The following GOLT1A variants were observed in gnomAD, a reference collection of about 807,000 sequenced individuals.
GOLT1A encodes the protein vesicle transport protein GOT1A.
Under a neutral mutation model 16.1 loss-of-function variants are expected in GOLT1A, and 10 were observed. The ratio of observed to expected loss-of-function variants is 0.62; its 90% CI spans 0.38 to 1.05. GOLT1A has a LOEUF of 1.05. Among genes scored for constraint, GOLT1A ranks in the 50% least tolerant of loss-of-function variants. The pLI, the probability that GOLT1A is intolerant of heterozygous loss-of-function variation, is 0.01. For synonymous variants in GOLT1A, 60 were observed against 67.9 expected (o/e 0.88, Z 0.57); for missense variants, 137 against 165.7 (o/e 0.83, Z 0.95).
At chr1:204,205,181 C>T (rs769145309) in intron 1 of GOLT1A, among the ~76,000 whole-genome samples, 3 of 151,992 alleles carry the variant, frequency 2.0e-5, no homozygotes, top group Admixed American at 6.6e-5. Context: ...TGATTGATGT[C>T]TTTTTTTTCT....
chr1:204,198,490 G>C lies in GOLT1A; in HGVS notation c.367C>G (p.Arg123Gly), dbSNP rs187437980. The part of the protein sequence containing the change: ...CNIPFLGALF[R>G]RLQGTSSMV ...ATCGAGCTAGTGCCTTGAAGTCTCC[G>C]GAACAGCTGTGGGAGCCAAGAATCA... The change falls in exon 5 of 5, where the codon CGG becomes GGG. Residue 123 changes from arginine to glycine, a missense_variant. Arg to Gly is a moderately radical substitution (Grantham distance 125). Coordinates refer to ENST00000308302, the MANE Select transcript of GOLT1A (RefSeq NM_198447.2). 1.2e-6 allele frequency: 2 copies of C among 1,613,298 alleles called. No homozygotes were observed. Among genetic ancestry groups the C allele is most frequent in the Non-Finnish European group, 1.7e-6 (2 of 1,179,684 alleles).
intron 2 of GOLT1A, 59 bp from the exon 3 acceptor site, chr1:204,201,870 C>T: frequency 6.5e-7 from 1 of 1,529,324 alleles, no homozygotes; most frequent in Non-Finnish European, 9.0e-7. Flanking sequence ...GAGTGAGGGA[C>T]TTAGGCCTGG....
rs1342588890 is a variant in GOLT1A at position 204,199,256 on chromosome 1, C to A, written c.299G>T (p.Gly100Val). 2 of 1,602,210 alleles carry A rather than the reference C, an allele frequency of 1.2e-6. No homozygotes were observed. Among genetic ancestry groups the A allele is most frequent in the East Asian group, 4.5e-5 (2 of 44,560 alleles). ...ETYGFFSLFK[G>V]FFPVAFGFLG... ...GAAGCCGAAGGCGACAGGGAAAAAG[C>A]CCCTAGGAGCAGAGGGGAGAAGGGA... Residue 100 changes from glycine (G) to valine (V), a missense_variant and splice_region_variant, in exon 4 of 5, where the codon GGC becomes GTC. Transcript: ENST00000308302.
rs766866616 is a variant in GOLT1A, at chr1:204,213,876, A to G, written c.25+6T>C. The G allele has an allele frequency of 3.7e-6, 6 of 1,613,072 alleles. No homozygotes were observed. Among genetic ancestry groups the G allele is most frequent in the Non-Finnish European group, 5.1e-6 (6 of 1,179,796 alleles). On this transcript the variant is annotated splice_donor_region_variant and intron_variant, in intron 1 of 4. Transcript: ENST00000308302. Reference sequence around the variant, plus strand: ...AGCCCATTGCAGCCCCGCTCATCCCACTTACTCTGCCATTCGGTGATGGAG... The same window carrying G: ...AGCCCATTGCAGCCCCGCTCATCCCGCTTACTCTGCCATTCGGTGATGGAG...
At chr1:204,206,702 C>G (rs1409841776) in intron 1 of GOLT1A, among the ~76,000 whole-genome samples, 1 of 152,272 alleles carries the variant, frequency 6.6e-6, no homozygotes, top group African/African-American at 2.4e-5. Context: ...ACACGATGTG[C>G]ACATTTTACG....
Position 204,201,788 on chromosome 1 carries a change from G to T in GOLT1A, c.141C>A (p.Ser47=). Residue 47 remains serine (S), a synonymous_variant, in exon 3 of 5, where the codon TCC becomes TCA. Transcript: ENST00000308302. ...AGGTCTTCCTCAGGCCAATGATGAG[G>T]GACAGGCCCGTCAGGAACAGCAGCT... ...FGNLLFLTGL[S]LIIGLRKTFW... The T allele has an allele frequency of 6.2e-7, 1 of 1,614,128 alleles. No individual in the cohort carries two copies. The highest frequency in any genetic ancestry group is 1.1e-5 in the South Asian group (1 of 91,090).
Position 204,213,919 on chromosome 1 carries a change from C to G in GOLT1A, c.-13G>C. 6.2e-7 allele frequency: 1 copy of G among 1,612,998 alleles called. No individual in the cohort carries two copies. Among genetic ancestry groups the G allele is most frequent in the Non-Finnish European group, 8.5e-7 (1 of 1,179,700 alleles). ...TGATGGAGATCATGCCGCACTCAGC[C>G]TGGGGGGCTTTCCGGGTGGAAGCGG... On this transcript the variant is annotated 5_prime_UTR_variant, in exon 1 of 5. Transcript: ENST00000308302.
intron 1 of GOLT1A, among the ~76,000 whole-genome samples, chr1:204,208,460 T>TTC (rs1491562207): frequency 7.2e-5 from 4 of 55,768 alleles, no homozygotes. Context: ...ATATGTATAC[T>TTC]TGTGTGTGTG....
chr1:204,205,007 A>G (rs1382032803), intron 1 of GOLT1A, among the ~76,000 whole-genome samples: 1 of 152,126 alleles, frequency 6.6e-6, no homozygotes, highest in Non-Finnish European at 1.5e-5. Flanking sequence ...TATTTTTTAA[A>G]CAGGTTGTTC....
rs187637369 is a variant in GOLT1A at position 204,208,525 on chromosome 1, A to T, written c.25+5357T>A. On this transcript the variant is annotated intron_variant, in intron 1 of 4. Transcript: ENST00000308302. Reference sequence around the variant, plus strand: ...ATAAAAAATGAACTACTACTCAGTCACAAAAAGGAATGAAATAATGGCATT... The same window carrying T: ...ATAAAAAATGAACTACTACTCAGTCTCAAAAAGGAATGAAATAATGGCATT... 2.2e-5 allele frequency among the ~76,000 whole-genome samples: 3 copies of T among 133,492 alleles called. No individual in the cohort carries two copies. In the East Asian group the frequency reaches 6.2e-4, roughly 27 times the overall value. 87.6% of individuals were successfully genotyped at this position (133,492 alleles called of 152,430 possible).
chr1:204,212,927 C>A (rs1443150384), intron 1 of GOLT1A, among the ~76,000 whole-genome samples: 5 of 152,134 alleles, frequency 3.3e-5, no homozygotes, highest in African/African-American at 1.2e-4. Context: ...TGCCTCAGGG[C>A]CTTTGCACTG....
rs1482334974 is a variant in GOLT1A, at chr1:204,208,372, CTATACACA to C, written c.26-5393_26-5386del. The stretch of plus-strand genomic sequence containing the variant: ...CACATGTATGTATATATGTGTGTAT[CTATACACA>C]TATACACACATATGTATACATATAT... On this transcript the variant is annotated intron_variant, in intron 1 of 4. Coordinates refer to ENST00000308302, the MANE Select transcript of GOLT1A (RefSeq NM_198447.2). Among the ~76,000 whole-genome samples, 2 of 60,454 alleles carry C rather than the reference CTATACACA, an allele frequency of 3.3e-5. 1 individual carries two copies. Among genetic ancestry groups the C allele is most frequent in the East Asian group, 5.8e-4 (2 of 3,430 alleles). The allele number at this position is 60,454 out of a possible 152,430, so 39.7% of individuals were successfully genotyped here. A position where few individuals can be genotyped will look rare whatever the true frequency, so the allele number is the denominator to read the frequency against.
chr1:204,201,869 A>G, intron 2 of GOLT1A, 58 bp from the exon 3 acceptor site: 1 of 1,528,452 alleles, frequency 6.5e-7, no homozygotes. Flanking sequence ...GGAGTGAGGG[A>G]CTTAGGCCTG....
In GOLT1A at chr1:204,199,271, G is replaced by C. The variant is rs1230815379; in HGVS notation, c.297-13C>G. ...AGGGAAAAAGCCCCTAGGAGCAGAG[G>C]GGAGAAGGGAGGAGTCAGTGATGGC... is the stretch of plus-strand genomic sequence containing the variant. On this transcript the variant is annotated splice_polypyrimidine_tract_variant and intron_variant, in intron 3 of 4. Transcript: ENST00000308302. The C allele has an allele frequency of 1.9e-6, 3 of 1,594,730 alleles. No individual in the cohort carries two copies. In the African/African-American group the frequency reaches 4.0e-5, roughly 21 times the overall value.
At chr1:204,209,151 G>A (rs914337124) in intron 1 of GOLT1A, among the ~76,000 whole-genome samples, 1 of 152,164 alleles carries the variant, frequency 6.6e-6, no homozygotes, top group African/African-American at 2.4e-5. Context: ...TGGGTTTGTC[G>A]GATGTTTCCT....
intron 1 of GOLT1A, among the ~76,000 whole-genome samples, chr1:204,203,429 C>T (rs1658992725): frequency 6.6e-6 from 1 of 152,190 alleles, no homozygotes; most frequent in African/African-American, 2.4e-5. Context: ...AAACTCAGGA[C>T]CACCAGCTCC....
At chr1:204,208,505 A>T (rs6593995) in intron 1 of GOLT1A, among the ~76,000 whole-genome samples, 34,532 of 62,032 alleles carry the variant, frequency 0.56, 11,417 homozygotes, top group African/African-American at 0.71. Flanking sequence ...TATATATAAA[A>T]AATGAACTAC....
chr1:204,201,617 A>G lies in GOLT1A; in HGVS notation c.296+16T>C, dbSNP rs1333852859. ...CTTTGGTGGGTCTGTCCAGGGTTAT[A>G]GGGATTTGCACTCACTTAAAGAGGC... is the stretch of plus-strand genomic sequence containing the variant. On this transcript the variant is annotated intron_variant, in intron 3 of 4. Coordinates refer to ENST00000308302, the MANE Select transcript of GOLT1A (RefSeq NM_198447.2). 3 of 1,613,494 alleles carry G rather than the reference A, an allele frequency of 1.9e-6. No homozygotes were observed. The highest frequency in any genetic ancestry group is 2.2e-5 in the East Asian group (1 of 44,888).
chr1:204,205,185 TTTTTC>T (rs2102337389), intron 1 of GOLT1A, among the ~76,000 whole-genome samples: 1 of 152,378 alleles, frequency 6.6e-6, no homozygotes, highest in South Asian at 2.1e-4. Flanking sequence ...TGATGTCTTT[TTTTTC>T]TTTTGTTGTC....
Sources: allele counts gnomAD v4.1 joint callset (sites outside exome capture counted in the v4.1 genomes callset), GRCh38; gene constraint gnomAD v4.1.1; transcripts MANE v1.5; gene names NCBI Gene and HGNC (gene_info 2026-07-23, HGNC 2026-07-21).